Variants in TDRP observed in about 807,000 individuals in gnomAD.
TDRP encodes testis development related protein, also known as testis development-related protein.
A neutral mutation model predicts 10.5 loss-of-function variants in TDRP; 12 were observed. The observed-to-expected ratio is 1.15, with a 90% CI of 0.73 to 1.86. The LOEUF (loss-of-function observed/expected upper bound fraction) is 1.86, where lower values mean the gene tolerates loss of function less well. TDRP is among the 40% of genes most tolerant of loss of function. The pLI is 0.00. For missense variants in TDRP, 353 were observed against 229.2 expected, an observed-to-expected ratio of 1.54 and a Z score of -3.49; for synonymous variants, 139 against 95.4, an observed-to-expected ratio of 1.46 and a Z score of -2.67.
intron 1 of TDRP, among the ~76,000 whole-genome samples, chr8:531,778 GTA>G (rs1419183457): frequency 6.6e-6 from 1 of 152,178 alleles, no homozygotes; most frequent in Non-Finnish European, 1.5e-5. Flanking sequence ...CACAAGCTTA[GTA>G]TTAACCACAG....
chr8:500,246 A>G (rs754551403), intron 1 of TDRP, among the ~76,000 whole-genome samples: 2 of 152,240 alleles, frequency 1.3e-5, no homozygotes, highest in Non-Finnish European at 2.9e-5. Context: ...TCTATGCAAT[A>G]TTGTAAAGAA....
In TDRP at chr8:517,399, C is replaced by A. The variant is rs150646402; in HGVS notation, c.109-22802G>T. Among the ~76,000 whole-genome samples, 542 of 152,288 alleles carry A rather than the reference C, an allele frequency of 3.6e-3. 3 individuals are homozygous for A. The highest frequency in any genetic ancestry group is 8.3e-3 in the Admixed American group (127 of 15,312). On this transcript the variant is annotated intron_variant, in intron 1 of 2. Transcript: ENST00000324079. ...GAGAGATTAAACGAAGCATCTGACA[C>A]CGTTTAAGGTCTGCTAAGAGACATT...
chr8:544,481 C>G (rs1014573480), intron 1 of TDRP, among the ~76,000 whole-genome samples, 169 bp downstream of exon 1: 1 of 152,110 alleles, frequency 6.6e-6, no homozygotes, highest in Non-Finnish European at 1.5e-5. Context: ...TCCGACTCCG[C>G]ACTCGGGCAC....
intron 1 of TDRP, among the ~76,000 whole-genome samples, chr8:516,419 T>G (rs920554049): frequency 2.0e-5 from 3 of 152,102 alleles, no homozygotes. Flanking sequence ...AACCCAACAA[T>G]AAGAAAACAG....
At chr8:523,043 A>C (rs1382143042) in intron 1 of TDRP, among the ~76,000 whole-genome samples, 1 of 152,146 alleles carries the variant, frequency 6.6e-6, no homozygotes. Context: ...GGTAGGACTT[A>C]CTATTGCCAC....
intron 1 of TDRP, among the ~76,000 whole-genome samples, chr8:496,385 G>A (rs1332231271): frequency 6.6e-6 from 1 of 152,196 alleles, no homozygotes; most frequent in East Asian, 1.9e-4. Flanking sequence ...AGGACCATGT[G>A]CAGTCACTAT....
At chr8:507,999 C>T (rs1282530861) in intron 1 of TDRP, among the ~76,000 whole-genome samples, 1 of 152,152 alleles carries the variant, frequency 6.6e-6, no homozygotes, top group African/African-American at 2.4e-5. Flanking sequence ...ACCCATACAT[C>T]AGAAAACAAC....
intron 1 of TDRP, among the ~76,000 whole-genome samples, chr8:520,412 G>C (rs1189187517): frequency 1.3e-5 from 2 of 152,158 alleles, no homozygotes; most frequent in African/African-American, 4.8e-5. Context: ...ATGAACATGG[G>C]TGTGCAAATC....
chr8:541,155 G>C (rs772995481), intron 1 of TDRP, among the ~76,000 whole-genome samples: 17 of 152,142 alleles, frequency 1.1e-4, no homozygotes, highest in Non-Finnish European at 2.4e-4. Flanking sequence ...TTCTAAGTTA[G>C]CTTTGCAATA....
At chr8:506,984 G>C (rs190426066) in intron 1 of TDRP, among the ~76,000 whole-genome samples, 1 of 152,258 alleles carries the variant, frequency 6.6e-6, no homozygotes, top group Admixed American at 6.5e-5. Context: ...AAGGAAAGAG[G>C]TTTAATTGAC....
At chr8:524,193 C>G (rs560559880) in intron 1 of TDRP, among the ~76,000 whole-genome samples, 18 of 152,300 alleles carry the variant, frequency 1.2e-4, no homozygotes, top group Non-Finnish European at 2.2e-4. Context: ...TAACCAAAAC[C>G]AAGTTGGTAT....
At chr8:510,807 T>C (rs949245539) in intron 1 of TDRP, among the ~76,000 whole-genome samples, 2 of 152,208 alleles carry the variant, frequency 1.3e-5, no homozygotes, top group African/African-American at 4.8e-5. Flanking sequence ...AGTGCACCGG[T>C]AATGGTAATT....
At chr8:536,359 A>C (rs937855687) in intron 1 of TDRP, among the ~76,000 whole-genome samples, 4 of 152,234 alleles carry the variant, frequency 2.6e-5, no homozygotes, top group African/African-American at 9.6e-5. Context: ...TTCACTAAAA[A>C]CACTACTGAG....
intron 2 of TDRP, among the ~76,000 whole-genome samples, chr8:494,002 T>G (rs775700926): frequency 0.039 from 5,819 of 148,284 alleles, 175 homozygotes; most frequent in East Asian, 0.085. Flanking sequence ...TGTTTTTTTT[T>G]TTTTTTTTTT....
chr8:520,714 A>G (rs1252075208), intron 1 of TDRP, among the ~76,000 whole-genome samples: 1 of 152,160 alleles, frequency 6.6e-6, no homozygotes, highest in African/African-American at 2.4e-5. Context: ...ACATCTTTTC[A>G]TATGCTTATA....
intron 1 of TDRP, among the ~76,000 whole-genome samples, chr8:509,550 G>A (rs1801555043): frequency 6.6e-6 from 1 of 152,164 alleles, no homozygotes; most frequent in Non-Finnish European, 1.5e-5. Context: ...CATGGCTGGA[G>A]CGGCTGGGAG....
chr8:492,126 G>C lies in TDRP; in HGVS notation c.*273C>G, dbSNP rs1052258101. On this transcript the variant is annotated 3_prime_UTR_variant, in exon 3 of 3. Coordinates refer to ENST00000324079, the MANE Select transcript of TDRP (RefSeq NM_001384899.1). ...ATCATTACTGCTGTATTATGGGAGA[G>C]CATCATAAATTCACATCTCCAGTTT... 1.6e-6 allele frequency: 2 copies of C among 1,235,732 alleles called. No homozygotes were observed. Among genetic ancestry groups the C allele is most frequent in the African/African-American group, 1.5e-5 (1 of 64,660 alleles). 76.5% of individuals were successfully genotyped at this position (1,235,732 alleles called of 1,614,324 possible).
At chr8:510,640 A>G (rs1478264771) in intron 1 of TDRP, among the ~76,000 whole-genome samples, 2 of 152,220 alleles carry the variant, frequency 1.3e-5, no homozygotes, top group Non-Finnish European at 2.9e-5. Context: ...TCCAGCAAAG[A>G]CCATCTTTCA....
intron 1 of TDRP, among the ~76,000 whole-genome samples, chr8:531,605 T>G (rs1172006088): frequency 6.6e-6 from 1 of 152,258 alleles, no homozygotes; most frequent in Non-Finnish European, 1.5e-5. Flanking sequence ...GGCGTAAGGA[T>G]GCCATCTTTA....
Sources: gnomAD v4.1 joint callset for allele counts (sites outside exome capture counted in the v4.1 genomes callset) on GRCh38, gnomAD v4.1.1 for gene constraint, MANE v1.5 for transcripts, NCBI Gene and HGNC (gene_info 2026-07-23, HGNC 2026-07-21) for gene names.